GMPS: variants seen among roughly 807,000 people sequenced by gnomAD.
GMPS encodes GMP synthase [glutamine-hydrolyzing].
GMPS carries 15 observed loss-of-function variants against 77.9 expected under a neutral mutation model. That is an observed-to-expected ratio of 0.19 (90% CI 0.13 to 0.30). The LOEUF (loss-of-function observed/expected upper bound fraction) is 0.30. GMPS is among the 10% of genes least tolerant of loss of function. The probability of loss-of-function intolerance (pLI) is 1.00; values close to 1 mark genes in which losing one functional copy is unlikely to be tolerated. For synonymous variants in GMPS, 224 were observed against 275.9 expected (o/e 0.81, Z 1.86); for missense variants, 590 against 838.8 (o/e 0.70, Z 3.66).
At position 155,911,208 on chromosome 3, in the gene GMPS, A is replaced by G. The variant is rs1007825020; in HGVS notation, c.815A>G (p.Asn272Ser). 3 of 1,612,956 alleles carry G rather than the reference A, an allele frequency of 1.9e-6. No homozygotes were observed. Among genetic ancestry groups the G allele is most frequent in the Non-Finnish European group, 2.5e-6 (3 of 1,179,040 alleles). The change falls in exon 7 of 16, where the codon AAT (asparagine) becomes AGT (serine). Residue 272 changes from asparagine (N) to serine (S), a missense_variant. Asn to Ser is a conservative substitution (Grantham distance 46, BLOSUM62 1). This residue lies in a region of GMPS where 181 missense variants were observed against 186.8 expected (regional missense o/e 0.97). Transcript: ENST00000496455. ...QEQVIAVHID[N>S]GFMRKRESQS... Reference sequence around the variant, plus strand: ...CAAGTCATTGCTGTGCACATTGATAATGGCTTTATGAGAAAACGAGAAAGC... The same window carrying G: ...CAAGTCATTGCTGTGCACATTGATAGTGGCTTTATGAGAAAACGAGAAAGC...
At chr3:155,933,184 T>A (rs993939531) in intron 13 of GMPS, among the ~76,000 whole-genome samples, 3 of 152,072 alleles carry the variant, frequency 2.0e-5, no homozygotes, top group Non-Finnish European at 2.9e-5. Flanking sequence ...AGAGCGAGAC[T>A]TCATCTCAAA....
In GMPS at chr3:155,935,030, C is replaced by G. The variant is rs1755728235; in HGVS notation, c.1791C>G (p.Asn597Lys). The G allele has an allele frequency of 6.2e-7, 1 of 1,609,196 alleles. No homozygotes were observed. Residue 597 changes from asparagine (N) to lysine (K), a missense_variant, in exon 14 of 16, where the codon AAC becomes AAG. This residue lies in a region of GMPS where 73 missense variants were observed against 170.5 expected (regional missense o/e 0.43). Coordinates refer to ENST00000496455, the MANE Select transcript of GMPS (RefSeq NM_003875.3). ...GCCAAGCTGATTTTGAGGCCCATAA[C>G]ATTCTCAGGGAGTCTGGTAAGTTGC... Reference protein sequence around the residue: ...TLRQADFEAHNILRESGYAGK... With the variant: ...TLRQADFEAHKILRESGYAGK...
rs1755946464 is a variant in GMPS at position 155,943,581 on chromosome 3, T to A, written c.*5889T>A. On this transcript the variant is annotated 3_prime_UTR_variant, in exon 16 of 16. Transcript: ENST00000496455. ...ATATTTTGTTAATTGGAGTAAGTAG[T>A]ATTGTTATGAAATCACTGTGTAATT... 1 of 178,992 alleles carries A rather than the reference T, an allele frequency of 5.6e-6. No individual in the cohort carries two copies. Among genetic ancestry groups the A allele is most frequent in the Admixed American group, 6.3e-5 (1 of 15,888 alleles). The allele number at this position is 178,992 out of a possible 1,614,324, so 11.1% of individuals were successfully genotyped here.
chr3:155,930,658 T>A (rs1057212155), intron 12 of GMPS, among the ~76,000 whole-genome samples: 1 of 152,048 alleles, frequency 6.6e-6, no homozygotes, highest in African/African-American at 2.4e-5. Flanking sequence ...TCAAACAAAT[T>A]TACAAGAACA....
rs981043545 is a variant in GMPS at position 155,941,284 on chromosome 3, G to C, written c.*3592G>C. 5.7e-6 allele frequency: 1 copy of C among 176,744 alleles called. No homozygotes were observed. The highest frequency in any genetic ancestry group is 1.2e-5 in the Non-Finnish European group (1 of 82,282). The allele number at this position is 176,744 out of a possible 1,614,324, so 10.9% of individuals were successfully genotyped here. On this transcript the variant is annotated 3_prime_UTR_variant, in exon 16 of 16. Coordinates refer to ENST00000496455, the MANE Select transcript of GMPS (RefSeq NM_003875.3). ...CTGGGCGCGGTGGCGGGTGCCTGTA[G>C]TCCCAGCTACTCGGGAGGCTGAGGC...
rs548547551 is a variant in GMPS at position 155,926,600 on chromosome 3, A to T, written c.1560+1234A>T. Among the ~76,000 whole-genome samples, 359 of 151,222 alleles carry T rather than the reference A, an allele frequency of 2.4e-3. 1 individual carries two copies. The highest frequency in any genetic ancestry group is 8.7e-3 in the African/African-American group (351 of 40,516). The stretch of plus-strand genomic sequence containing the variant: ...ATAATAAAAAAATAAAAAATAAAAA[A>T]AAAGAAATTCTGTTTCAGAGATTAT... On this transcript the variant is annotated intron_variant, in intron 12 of 15. Transcript: ENST00000496455.
intron 12 of GMPS, among the ~76,000 whole-genome samples, chr3:155,930,592 A>G (rs943040949): frequency 3.3e-5 from 5 of 152,140 alleles, no homozygotes; most frequent in Non-Finnish European, 7.4e-5. Context: ...AATGGAAGAA[A>G]ATTTTCGCAA....
chr3:155,893,288 T>G (rs916498547), intron 1 of GMPS, among the ~76,000 whole-genome samples: 1 of 152,216 alleles, frequency 6.6e-6, no homozygotes, highest in African/African-American at 2.4e-5. Flanking sequence ...CTATATTACA[T>G]AGTCAATAAG....
chr3:155,870,516 C>T (rs973132249), upstream of GMPS: 11 of 229,584 alleles, frequency 4.8e-5, no homozygotes, highest in Non-Finnish European at 6.8e-5. Flanking sequence ...CGGGGCCGGG[C>T]GCCGCGAGCC....
chr3:155,886,611 CTTTTTTTTTTTT>C (rs58367815), intron 1 of GMPS, among the ~76,000 whole-genome samples: 13 of 78,050 alleles, frequency 1.7e-4, no homozygotes, highest in Admixed American at 7.6e-4. Flanking sequence ...TTCCTGATGA[CTTTTTTTTTTTT>C]TTTTTTTTTT....
Position 155,914,543 on chromosome 3 carries a change from A to G in GMPS, c.1011A>G (p.Arg337=). 2 of 1,588,256 alleles carry G rather than the reference A, an allele frequency of 1.3e-6. No homozygotes were observed. The highest frequency in any genetic ancestry group is 1.7e-6 in the Non-Finnish European group (2 of 1,170,972). ...TGACCACAAGTCCTGAAGAGAAAAGAAAAATCATTGGGGATACTTTTGTTA... is the reference window on the plus strand; with the variant it reads ...TGACCACAAGTCCTGAAGAGAAAAGGAAAATCATTGGGGATACTTTTGTTA... ...LNMTTSPEEK[R]KIIGDTFVKI... is the part of the protein sequence containing the mutation. The change falls in exon 8 of 16, where the codon AGA becomes AGG. Residue 337 remains arginine, a synonymous_variant. Transcript: ENST00000496455.
intron 1 of GMPS, among the ~76,000 whole-genome samples, chr3:155,879,184 C>T (rs1210802266): frequency 1.3e-5 from 2 of 151,810 alleles, no homozygotes; most frequent in African/African-American, 2.4e-5. Flanking sequence ...CCTTTACTAG[C>T]TATCTGGGTA....
chr3:155,878,981 A>G (rs1312709208), intron 1 of GMPS, among the ~76,000 whole-genome samples: 1 of 152,066 alleles, frequency 6.6e-6, no homozygotes, highest in African/African-American at 2.4e-5. Context: ...TCTTATATAC[A>G]AGGGCAGAAG....
In GMPS at chr3:155,941,807, C is replaced by T. The variant is rs989173747; in HGVS notation, c.*4115C>T. ...CTTTTTAATCACTGAAGGACTTTGA[C>T]AGCAGTAATGGTGGCATTGTTGACT... On this transcript the variant is annotated 3_prime_UTR_variant, in exon 16 of 16. Transcript: ENST00000496455. 4.6e-6 allele frequency: 1 copy of T among 216,950 alleles called. No individual in the cohort carries two copies. Among genetic ancestry groups the T allele is most frequent in the South Asian group, 1.9e-4 (1 of 5,380 alleles). 13.4% of individuals were successfully genotyped at this position (216,950 alleles called of 1,614,324 possible). A position where few individuals can be genotyped will look rare whatever the true frequency, so the allele number is the denominator to read the frequency against.
intron 1 of GMPS, among the ~76,000 whole-genome samples, chr3:155,883,726 A>T (rs951449007): frequency 1.8e-4 from 27 of 152,226 alleles, no homozygotes; most frequent in African/African-American, 6.5e-4. Context: ...TTGTTAAAAT[A>T]CTAGATCTCA....
At chr3:155,937,489 G>A in intron 15 of GMPS, 102 bp from the exon 16 acceptor site, 1 of 649,204 alleles carries the variant, frequency 1.5e-6, no homozygotes, top group South Asian at 1.9e-5. Flanking sequence ...GAGGACAATA[G>A]TGAAAATAGT....
chr3:155,907,192 T>A (rs1754915053), intron 5 of GMPS, among the ~76,000 whole-genome samples: 1 of 152,184 alleles, frequency 6.6e-6, no homozygotes, highest in Non-Finnish European at 1.5e-5. Flanking sequence ...TAAAAAAAGA[T>A]CAACAGTGGT....
In GMPS at chr3:155,931,673, CTT is replaced by C. The variant is rs201644213; in HGVS notation, c.1561-83_1561-82del. On this transcript the variant is annotated intron_variant, in intron 12 of 15. Coordinates refer to ENST00000496455, the MANE Select transcript of GMPS (RefSeq NM_003875.3). ...TAAGATATTTTTCAATGCATCTTTT[CTT>C]TTTTTTTTAAAAAAAAAAAAAAGCT... 6.4e-3 allele frequency: 3,006 copies of C among 468,166 alleles called. 11 individuals are homozygous for C. Among genetic ancestry groups the C allele is most frequent in the South Asian group, 0.021 (733 of 34,546 alleles). 29.0% of individuals were successfully genotyped at this position (468,166 alleles called of 1,614,324 possible). A position where few individuals can be genotyped will look rare whatever the true frequency, so the allele number is the denominator to read the frequency against.
chr3:155,934,095 G>A lies in GMPS; in HGVS notation c.1677-821G>A, dbSNP rs11716666. 5.5e-3 allele frequency among the ~76,000 whole-genome samples: 829 copies of A among 151,562 alleles called. 4 individuals are homozygous for A. Among genetic ancestry groups the A allele is most frequent in the Non-Finnish European group, 5.9e-3 (401 of 68,014 alleles). On this transcript the variant is annotated intron_variant, in intron 13 of 15. Transcript: ENST00000496455. The stretch of plus-strand genomic sequence containing the variant: ...ATTGTTTCTCAAGTAGAGAAAAAAA[G>A]ATGAGTTTACTAATTTTGGGAAATT...
Sources: allele counts gnomAD v4.1 joint callset (sites outside exome capture counted in the v4.1 genomes callset), GRCh38; gene constraint gnomAD v4.1.1; regional missense constraint gnomAD v4.1.1; transcripts MANE v1.5; gene names NCBI Gene and HGNC (gene_info 2026-07-23, HGNC 2026-07-21).